Variants in LIMK2 observed in about 807,000 individuals in gnomAD.
The protein encoded by LIMK2 is LIM domain kinase 2.
LIMK2 carries 35 observed loss-of-function variants against 75.7 expected under a neutral mutation model. The observed-to-expected ratio is 0.46, with a 90% CI of 0.35 to 0.61. The LOEUF is 0.61. LIMK2 is among the 20% of genes least tolerant of loss of function. The pLI, the probability that LIMK2 is intolerant of heterozygous loss-of-function variation, is 0.00. For missense variants in LIMK2, 623 were observed against 831.0 expected, an observed-to-expected ratio of 0.75 and a Z score of 3.08; for synonymous variants, 301 against 319.2, an observed-to-expected ratio of 0.94 and a Z score of 0.61.
At chr22:31,265,891 C>A in intron 7 of LIMK2, 55 bp from the exon 8 acceptor site, 1 of 1,519,324 alleles carries the variant, frequency 6.6e-7, no homozygotes, top group South Asian at 1.1e-5. Flanking sequence ...TCCAGGGTTT[C>A]TTGGCCGGTC....
rs1044735008 is a variant in LIMK2 at position 31,279,357 on chromosome 22, C to T, written c.*916C>T. ...GAGGACAGTGTGGCTTGTCACAGGC[C>T]TAGAGTCTGAGGGAGGGGAGTGGGA... On this transcript the variant is annotated 3_prime_UTR_variant, in exon 16 of 16. Coordinates refer to ENST00000331728, the MANE Select transcript of LIMK2 (RefSeq NM_005569.4). The T allele has an allele frequency of 6.6e-6, 1 of 152,248 alleles. No individual in the cohort carries two copies. The highest frequency in any genetic ancestry group is 1.5e-5 in the Non-Finnish European group (1 of 68,094). The allele number at this position is 152,248 out of a possible 1,614,324, so 9.4% of individuals were successfully genotyped here.
In LIMK2 at chr22:31,279,815, G is replaced by A. The variant is rs2049068510; in HGVS notation, c.*1374G>A. 1 of 152,210 alleles carries A rather than the reference G, an allele frequency of 6.6e-6. No individual in the cohort carries two copies. Among genetic ancestry groups the A allele is most frequent in the Admixed American group, 6.5e-5 (1 of 15,280 alleles). The allele number at this position is 152,210 out of a possible 1,614,324, so 9.4% of individuals were successfully genotyped here. ...CTGTTAATATTATCTTATCTATTGG[G>A]TGGTATGTGAAATATTGTACATAGA... On this transcript the variant is annotated 3_prime_UTR_variant, in exon 16 of 16. Coordinates refer to ENST00000331728, the MANE Select transcript of LIMK2 (RefSeq NM_005569.4).
chr22:31,217,470 G>A (rs1233830896), intron 1 of LIMK2, among the ~76,000 whole-genome samples: 1 of 151,826 alleles, frequency 6.6e-6, no homozygotes, highest in Non-Finnish European at 1.5e-5. Context: ...TATTAGCTGA[G>A]TATTTCAGTT....
At chr22:31,276,833 A>G in intron 15 of LIMK2, 2 of 1,611,896 alleles carry the variant, frequency 1.2e-6, no homozygotes, top group Non-Finnish European at 1.7e-6. Context: ...TGCGCGGATG[A>G]TGAGGGCCCA....
In LIMK2 at chr22:31,238,805, C is replaced by T. The variant is rs5753519; in HGVS notation, c.116+12986C>T. On this transcript the variant is annotated intron_variant, in intron 2 of 15. Transcript: ENST00000331728. ...AGATCACACGCAGATTTTCTGTTAA[C>T]CAGGGTGATTTTTCAGGTGTTCCCT... Among the ~76,000 whole-genome samples the T allele has an allele frequency of 0.037, 5,615 of 152,196 alleles. 501 individuals carry two copies. In the East Asian group the frequency reaches 0.38, roughly 10 times the overall value.
chr22:31,239,665 A>G (rs1050317015), intron 2 of LIMK2, among the ~76,000 whole-genome samples: 2 of 151,830 alleles, frequency 1.3e-5, no homozygotes, highest in African/African-American at 4.8e-5. Context: ...AGTTATATCC[A>G]TTTCAGTATT....
rs529919320 is a variant in LIMK2, at chr22:31,257,040, A to ATTTTTTTTTTTTTT, written c.117-1230_117-1217dup. On this transcript the variant is annotated intron_variant, in intron 2 of 15. Transcript: ENST00000331728. ...TCATTAGGGGAGAAGGGAGCTATAG[A>ATTTTTTTTTTTTTT]TTTTTTTTTTTTTTTTTTTTTTTTT... Among the ~76,000 whole-genome samples, 45 of 75,072 alleles carry ATTTTTTTTTTTTTT rather than the reference A, an allele frequency of 6.0e-4. 3 individuals carry two copies. The highest frequency in any genetic ancestry group is 1.0e-3 in the Non-Finnish European group (34 of 33,848). 49.3% of individuals were successfully genotyped at this position (75,072 alleles called of 152,430 possible). A position where few individuals can be genotyped will look rare whatever the true frequency, so the allele number is the denominator to read the frequency against.
At chr22:31,269,286 CTT>C (rs796361643) in intron 11 of LIMK2, among the ~76,000 whole-genome samples, 7 of 95,478 alleles carry the variant, frequency 7.3e-5, no homozygotes, top group South Asian at 3.6e-4. Context: ...ATTTTTTTTT[CTT>C]TTTTTTTTTT....
intron 2 of LIMK2, among the ~76,000 whole-genome samples, chr22:31,226,750 C>T (rs2048483666): frequency 6.6e-6 from 1 of 152,226 alleles, no homozygotes; most frequent in Non-Finnish European, 1.5e-5. Context: ...GGTGGGACTC[C>T]AGGCACCTGC....
At chr22:31,217,109 G>A (rs1214024270) in intron 1 of LIMK2, among the ~76,000 whole-genome samples, 2 of 152,164 alleles carry the variant, frequency 1.3e-5, no homozygotes, top group Non-Finnish European at 2.9e-5. Flanking sequence ...TGTAGTTAAA[G>A]ACAGGCTTTG....
chr22:31,257,942 A>G (rs2123833109), intron 2 of LIMK2, among the ~76,000 whole-genome samples: 1 of 152,184 alleles, frequency 6.6e-6, no homozygotes, highest in East Asian at 1.9e-4. Context: ...TCCTTTATAT[A>G]TACACCCTGT....
At chr22:31,242,880 T>C (rs989256285) in intron 2 of LIMK2, among the ~76,000 whole-genome samples, 3 of 152,244 alleles carry the variant, frequency 2.0e-5, no homozygotes, top group Non-Finnish European at 4.4e-5. Context: ...TATGTTCTCA[T>C]TTAATGCTCA....
Position 31,262,382 on chromosome 22 carries a change from T to G in LIMK2, c.657+143T>G. On this transcript the variant is annotated intron_variant, in intron 6 of 15. Coordinates refer to ENST00000331728, the MANE Select transcript of LIMK2 (RefSeq NM_005569.4). This position sits in a 1 kb window ranked among gnomAD's most constrained non-coding sequence, Gnocchi z 5.0. The stretch of plus-strand genomic sequence containing the variant: ...AGCCTGTGACCACTGGTGACCTATT[T>G]CAGCGTAACAGGTTCCCAGGGTAGC... The G allele has an allele frequency of 1.5e-5, 12 of 818,908 alleles. No homozygotes were observed. Among genetic ancestry groups the G allele is most frequent in the Middle Eastern group, 2.3e-4 (1 of 4,348 alleles). 50.7% of individuals were successfully genotyped at this position (818,908 alleles called of 1,614,324 possible).
At position 31,262,781 on chromosome 22, in the gene LIMK2, C is replaced by CGTCT; in HGVS notation, c.846_847insCTGT (p.Ser283LeufsTer7). The CGTCT allele has an allele frequency of 6.2e-7, 1 of 1,605,774 alleles. No homozygotes were observed. The highest frequency in any genetic ancestry group is 8.5e-7 in the Non-Finnish European group (1 of 1,175,258). The stretch of plus-strand genomic sequence containing the variant: ...GAATCTGGAGGGGACACTGAGGAGA[C>CGTCT]GTTCCCTAAGGTGCCACCTCCCACC... On this transcript the variant is annotated frameshift_variant, in exon 7 of 16. Transcript: ENST00000331728. LOFTEE classifies it high-confidence loss of function. The surrounding 1 kb of genome is among the most constrained non-coding windows in gnomAD (Gnocchi z 5.0).
intron 2 of LIMK2, chr22:31,248,555 G>A (rs1601420737): frequency 1.3e-6 from 2 of 1,598,844 alleles, no homozygotes; most frequent in East Asian, 2.3e-5. Context: ...GGAGTCCTCA[G>A]GCTCCCGCAG....
intron 2 of LIMK2, among the ~76,000 whole-genome samples, chr22:31,228,681 C>T (rs578003411): frequency 1.3e-5 from 2 of 152,280 alleles, no homozygotes; most frequent in East Asian, 3.9e-4. Flanking sequence ...GCCTGTAATC[C>T]TAGCACTCTG....
chr22:31,268,418 CAG>C (rs1387575300), intron 11 of LIMK2, among the ~76,000 whole-genome samples: 5 of 127,744 alleles, frequency 3.9e-5, no homozygotes, highest in East Asian at 5.6e-4. Context: ...TAAAGGCAAA[CAG>C]GGCACGGACA....
intron 13 of LIMK2, chr22:31,273,021 C>T: frequency 1.7e-6 from 2 of 1,151,132 alleles, no homozygotes; most frequent in Non-Finnish European, 2.1e-6. Flanking sequence ...AGTGTGGTGC[C>T]CTCTGGTGGA....
intron 9 of LIMK2, 129 bp from the exon 10 acceptor site, chr22:31,267,647 G>C (rs2048909426): frequency 3.0e-6 from 3 of 1,000,278 alleles, no homozygotes; most frequent in Middle Eastern, 3.4e-4. Context: ...TTAGTGCCCT[G>C]TCATATCACA....
Sources: allele counts gnomAD v4.1 joint callset (sites outside exome capture counted in the v4.1 genomes callset), GRCh38; gene constraint gnomAD v4.1.1; non-coding constraint Gnocchi (gnomAD v3.1); transcripts MANE v1.5; gene names NCBI Gene and HGNC (gene_info 2026-07-23, HGNC 2026-07-21).